Variants in FAT3 observed in about 807,000 individuals in gnomAD.
FAT3 encodes protocadherin Fat 3.
A neutral mutation model predicts 310.2 loss-of-function variants in FAT3; 95 were observed. That is an observed-to-expected ratio of 0.31 (90% confidence interval 0.26 to 0.36). FAT3 has a LOEUF of 0.36. FAT3 is among the 10% of genes least tolerant of loss of function. FAT3 has a pLI of 1.00. For missense variants in FAT3, 5,408 were observed against 5,715.6 expected, an observed-to-expected ratio of 0.95 and a Z score of 1.74; for synonymous variants, 2,314 against 2,192.9, an observed-to-expected ratio of 1.06 and a Z score of -1.54.
chr11:92,428,418 G>T (rs893044906), intron 2 of FAT3, among the ~76,000 whole-genome samples: 8 of 150,752 alleles, frequency 5.3e-5, no homozygotes, highest in Admixed American at 1.3e-4. Flanking sequence ...CTTTTCTTCT[G>T]CTAGCTTTTG....
At chr11:92,343,511 C>T (rs1293939544) in intron 1 of FAT3, among the ~76,000 whole-genome samples, 2 of 152,062 alleles carry the variant, frequency 1.3e-5, no homozygotes, top group African/African-American at 4.8e-5. Context: ...TGGCTGACTA[C>T]TTTTGGCCAT....
chr11:92,705,570 TGGTG>T (rs1176990970), intron 4 of FAT3, among the ~76,000 whole-genome samples: 15 of 15,176 alleles, frequency 9.9e-4, no homozygotes, highest in Non-Finnish European at 1.0e-3. Context: ...ATGGTGGTGG[TGGTG>T]GTGATGGTGG....
rs1948611652 is a variant in FAT3, at chr11:92,352,959, G to A, written c.847G>A (p.Ala283Thr). The A allele has an allele frequency of 1.2e-6, 2 of 1,613,774 alleles. No individual in the cohort carries two copies. Among genetic ancestry groups the A allele is most frequent in the African/African-American group, 1.3e-5 (1 of 74,916 alleles). Residue 283 changes from alanine (A) to threonine (T), a missense_variant, in exon 2 of 28, where the codon GCA (alanine) becomes ACA (threonine). By Grantham distance (58) the Ala-to-Thr change is moderately conservative. This residue lies in a region of FAT3 where 4,588 missense variants were observed against 4,809.8 expected (regional missense o/e 0.95). Transcript: ENST00000525166. Reference sequence around the variant, plus strand: ...CTCGTTGGAAAAAGAGCCAACATATGCAGTGGTGACAGTTGATGACTTAGA... The same window carrying A: ...CTCGTTGGAAAAAGAGCCAACATATACAGTGGTGACAGTTGATGACTTAGA... ...PFSLEKEPTY[A>T]VVTVDDLDDG...
chr11:92,307,753 T>C lies in FAT3; in HGVS notation c.-17-44343T>C, dbSNP rs544091212. Among the ~76,000 whole-genome samples the C allele has an allele frequency of 1.6e-3, 237 of 152,248 alleles. 1 individual carries two copies. Among genetic ancestry groups the C allele is most frequent in the African/African-American group, 5.5e-3 (227 of 41,554 alleles). On this transcript the variant is annotated intron_variant, in intron 1 of 27. Coordinates refer to ENST00000525166, the MANE Select transcript of FAT3 (RefSeq NM_001367949.2). ...AAGCCAAGGAGCATGAAATTTGGAG[T>C]TGGTGCTGACAGCCCCTCATTCCTG...
chr11:92,798,353 G>A lies in FAT3; in HGVS notation c.5340G>A (p.Glu1780=), dbSNP rs1947232540. The A allele has an allele frequency of 6.2e-7, 1 of 1,613,480 alleles. No homozygotes were observed. The highest frequency in any genetic ancestry group is 1.3e-5 in the African/African-American group (1 of 74,896). ...CTCAATACTCAGGCAGCCTAAGTGA[G>A]GCTGCCCCAATTAATAGCATTGTCA... The part of the protein sequence containing the change: ...LFSQYSGSLS[E]AAPINSIVRS... The change falls in exon 10 of 28, where the codon GAG becomes GAA. Residue 1780 remains glutamate (E), a synonymous_variant. Transcript: ENST00000525166.
chr11:92,342,580 C>A (rs375649422), intron 1 of FAT3, among the ~76,000 whole-genome samples: 27 of 152,110 alleles, frequency 1.8e-4, no homozygotes, highest in African/African-American at 6.3e-4. Flanking sequence ...TCTCCAAGCA[C>A]TTTTTTTTCT....
intron 2 of FAT3, among the ~76,000 whole-genome samples, chr11:92,520,999 T>C (rs1298787054): frequency 2.0e-5 from 3 of 152,164 alleles, no homozygotes; most frequent in African/African-American, 7.2e-5. Flanking sequence ...GCATTTCATC[T>C]AAGGACTTCT....
chr11:92,477,961 C>A (rs1348108782), intron 2 of FAT3, among the ~76,000 whole-genome samples: 1 of 152,120 alleles, frequency 6.6e-6, no homozygotes, highest in African/African-American at 2.4e-5. Context: ...CAGGTGATAG[C>A]CTTCAGTGTA....
intron 2 of FAT3, among the ~76,000 whole-genome samples, chr11:92,502,924 G>T (rs1214732701): frequency 6.6e-6 from 1 of 152,068 alleles, no homozygotes; most frequent in African/African-American, 2.4e-5. Context: ...TTTAAAATCT[G>T]TTTCCTCATT....
intron 1 of FAT3, among the ~76,000 whole-genome samples, chr11:92,345,134 TTTATGA>T (rs565017292): frequency 5.2e-4 from 79 of 152,120 alleles, no homozygotes; most frequent in Non-Finnish European, 9.7e-4. Context: ...GTCTCTATGT[TTTATGA>T]TTATAATTCC....
At chr11:92,434,069 G>A (rs1950869595) in intron 2 of FAT3, among the ~76,000 whole-genome samples, 1 of 151,182 alleles carries the variant, frequency 6.6e-6, no homozygotes, top group South Asian at 2.1e-4. Context: ...TTGAACTTCA[G>A]AGGATGCTGA....
intron 2 of FAT3, among the ~76,000 whole-genome samples, chr11:92,393,086 C>G (rs1591218354): frequency 6.6e-6 from 1 of 152,096 alleles, no homozygotes; most frequent in Non-Finnish European, 1.5e-5. Context: ...TAAGTGGAAC[C>G]TAAATGTCAG....
chr11:92,314,891 A>G (rs1947396211), intron 1 of FAT3, among the ~76,000 whole-genome samples: 1 of 152,110 alleles, frequency 6.6e-6, no homozygotes, highest in Non-Finnish European at 1.5e-5. Flanking sequence ...CACAGCAGTG[A>G]TAGTGAGGGA....
intron 19 of FAT3, among the ~76,000 whole-genome samples, chr11:92,846,734 T>C (rs922093559): frequency 1.3e-5 from 2 of 152,222 alleles, no homozygotes; most frequent in African/African-American, 4.8e-5. Context: ...CCAGAAGGTT[T>C]TGTGAGTCAG....
chr11:92,480,562 A>G (rs624609), intron 2 of FAT3, among the ~76,000 whole-genome samples: 56,775 of 152,062 alleles, frequency 0.37, 11,902 homozygotes, highest in East Asian at 0.61. Context: ...GTGAGCTTAC[A>G]TGAAACAAAT....
intron 2 of FAT3, among the ~76,000 whole-genome samples, chr11:92,386,643 T>C (rs1591208612): frequency 1.3e-5 from 2 of 152,340 alleles, no homozygotes; most frequent in Non-Finnish European, 2.9e-5. Context: ...TGCCCTTGGG[T>C]AGTTTAAACT....
intron 3 of FAT3, among the ~76,000 whole-genome samples, chr11:92,562,959 G>C: frequency 6.6e-6 from 1 of 152,134 alleles, no homozygotes; most frequent in African/African-American, 2.4e-5. Flanking sequence ...GTTTTTACCA[G>C]CTATCTGGGC....
intron 1 of FAT3, among the ~76,000 whole-genome samples, chr11:92,226,306 T>A (rs1178936689): frequency 6.6e-6 from 1 of 152,156 alleles, no homozygotes; most frequent in African/African-American, 2.4e-5. Flanking sequence ...CTCGTTGACT[T>A]TTGTCACATG....
intron 22 of FAT3, among the ~76,000 whole-genome samples, chr11:92,878,413 C>T (rs988833118): frequency 6.6e-6 from 1 of 151,876 alleles, no homozygotes; most frequent in Non-Finnish European, 1.5e-5. Flanking sequence ...CAAATACCTT[C>T]ACTGCAACAT....
Sources: gnomAD v4.1 joint callset for allele counts (sites outside exome capture counted in the v4.1 genomes callset) on GRCh38, gnomAD v4.1.1 for gene constraint, gnomAD v4.1.1 regional missense constraint, MANE v1.5 for transcripts, NCBI Gene and HGNC (gene_info 2026-07-23, HGNC 2026-07-21) for gene names.